Variants in LAPTM4A observed in about 807,000 individuals in gnomAD.
LAPTM4A encodes lysosomal protein transmembrane 4 alpha.
Under a neutral mutation model 29.9 loss-of-function variants are expected in LAPTM4A, and 19 were observed. That is an observed-to-expected ratio of 0.64 (90% CI 0.44 to 0.93). LAPTM4A has a LOEUF of 0.93. LAPTM4A is among the 40% of genes least tolerant of loss of function. LAPTM4A has a pLI of 0.00. For missense variants in LAPTM4A, 293 were observed against 288.5 expected (o/e 1.02, Z -0.11); for synonymous variants, 105 against 102.1 (o/e 1.03, Z -0.17).
At chr2:20,047,963 T>C (rs970361369) in intron 1 of LAPTM4A, among the ~76,000 whole-genome samples, 7 of 152,122 alleles carry the variant, frequency 4.6e-5, no homozygotes, top group Non-Finnish European at 1.0e-4. Context: ...GGAAGGAAAC[T>C]AACAAATATA....
chr2:20,049,853 G>T (rs747798966), intron 1 of LAPTM4A, among the ~76,000 whole-genome samples: 2 of 152,136 alleles, frequency 1.3e-5, no homozygotes, highest in Non-Finnish European at 2.9e-5. Context: ...TAGCCTTGAG[G>T]ATCCTCAAGG....
chr2:20,046,350 T>TA (rs950410205), intron 1 of LAPTM4A, among the ~76,000 whole-genome samples: 37 of 147,572 alleles, frequency 2.5e-4, no homozygotes, highest in Admixed American at 3.4e-4. Flanking sequence ...CAGTATAATT[T>TA]AAAAAAAAAA....
intron 1 of LAPTM4A, among the ~76,000 whole-genome samples, chr2:20,047,310 C>T (rs190942209): frequency 0.014 from 2,178 of 150,584 alleles, 54 homozygotes; most frequent in African/African-American, 0.051. Context: ...ATCGCTTGAA[C>T]CTGGGAGGCG....
chr2:20,038,097 C>T (rs1230135688), intron 2 of LAPTM4A, among the ~76,000 whole-genome samples: 2 of 152,160 alleles, frequency 1.3e-5, no homozygotes, highest in Non-Finnish European at 2.9e-5. Context: ...GCTTAAAAGA[C>T]AAGTGTATTA....
chr2:20,048,955 T>TA (rs1320563500), intron 1 of LAPTM4A, among the ~76,000 whole-genome samples: 1 of 152,220 alleles, frequency 6.6e-6, no homozygotes, highest in Admixed American at 6.5e-5. Flanking sequence ...ACTGCTATGG[T>TA]ATTCAAGCTA....
chr2:20,037,290 TAA>T, intron 4 of LAPTM4A, 24 bp downstream of exon 4: 1 of 1,523,904 alleles, frequency 6.6e-7, no homozygotes, highest in Non-Finnish European at 8.8e-7. Context: ...GAAAAAAAAA[TAA>T]GTTTAATGAG....
intron 1 of LAPTM4A, among the ~76,000 whole-genome samples, chr2:20,045,213 C>T (rs1481307835): frequency 6.6e-6 from 1 of 152,168 alleles, no homozygotes; most frequent in Non-Finnish European, 1.5e-5. Context: ...CTGAAAATAT[C>T]CAACTATGTA....
chr2:20,035,051 G>C lies in LAPTM4A; in HGVS notation c.444C>G (p.Pro148=), dbSNP rs1382013636. 1.9e-6 allele frequency: 3 copies of C among 1,609,992 alleles called. No homozygotes were observed. The highest frequency in any genetic ancestry group is 1.1e-5 in the South Asian group (1 of 90,746). ...CCAAGGCCAGGAGGTCATCTTTGTAGGGAAAATCAGGCTATTAAAGAAACA... is the reference window on the plus strand; with the variant it reads ...CCAAGGCCAGGAGGTCATCTTTGTACGGAAAATCAGGCTATTAAAGAAACA... ...KEYLDQLPDF[P]YKDDLLALDS... is the part of the protein sequence containing the mutation. Residue 148 remains proline (P), a synonymous_variant, in exon 5 of 7, where the codon CCC becomes CCG. Transcript: ENST00000175091.
intron 2 of LAPTM4A, among the ~76,000 whole-genome samples, chr2:20,039,581 CG>C (rs1289180120): frequency 6.6e-6 from 1 of 151,872 alleles, no homozygotes; most frequent in African/African-American, 2.4e-5. Context: ...CAGGGAGACC[CG>C]ATCTCCACAA....
chr2:20,034,211 C>G, intron 6 of LAPTM4A, 106 bp downstream of exon 6: 1 of 820,540 alleles, frequency 1.2e-6, no homozygotes, highest in South Asian at 1.4e-5. Context: ...GGGTTCATGC[C>G]CAAACCATAG....
chr2:20,041,441 T>C (rs1177194472), intron 1 of LAPTM4A, among the ~76,000 whole-genome samples: 1 of 152,188 alleles, frequency 6.6e-6, no homozygotes, highest in East Asian at 1.9e-4. Context: ...AACTCACTAT[T>C]TCCTCTAGAG....
chr2:20,042,097 G>A (rs999523681), intron 1 of LAPTM4A, among the ~76,000 whole-genome samples: 5 of 152,146 alleles, frequency 3.3e-5, no homozygotes, highest in African/African-American at 1.2e-4. Flanking sequence ...TCTGGCTAAC[G>A]AATTTCAATT....
At chr2:20,049,560 T>C (rs1674007765) in intron 1 of LAPTM4A, among the ~76,000 whole-genome samples, 1 of 152,236 alleles carries the variant, frequency 6.6e-6, no homozygotes, top group Non-Finnish European at 1.5e-5. Context: ...GTTCCCACTT[T>C]ATCCTGCTAT....
At chr2:20,037,810 C>T (rs1174256807) in intron 2 of LAPTM4A, among the ~76,000 whole-genome samples, 196 bp from the exon 3 acceptor site, 1 of 150,512 alleles carries the variant, frequency 6.6e-6, no homozygotes, top group Non-Finnish European at 1.5e-5. Flanking sequence ...GAGACATTCA[C>T]ACAAAGCACT....
At chr2:20,045,673 T>A (rs1168335269) in intron 1 of LAPTM4A, among the ~76,000 whole-genome samples, 1 of 152,216 alleles carries the variant, frequency 6.6e-6, no homozygotes, top group Non-Finnish European at 1.5e-5. Context: ...AAGAAATCTG[T>A]TAGATTTGAC....
Position 20,051,439 on chromosome 2 carries a change from C to A in LAPTM4A, c.82G>T (p.Gly28Trp), listed in dbSNP as rs1399982857. Residue 28 changes from glycine to tryptophan, a missense_variant, in exon 1 of 7, where the codon GGG becomes TGG. By Grantham distance (184) the Gly-to-Trp change is radical (BLOSUM62 -2). Coordinates refer to ENST00000175091, the MANE Select transcript of LAPTM4A (RefSeq NM_014713.5). ...RCCGCCHVRTGTIILGTWYMV... is the reference protein window; with the variant it reads ...RCCGCCHVRTWTIILGTWYMV... Reference sequence around the variant, plus strand: ...TACCAGGTCCCCAGGATGATCGTCCCGGTGCGGACATGGCAACAGCCGCAG... The same window carrying A: ...TACCAGGTCCCCAGGATGATCGTCCAGGTGCGGACATGGCAACAGCCGCAG... The A allele has an allele frequency of 6.2e-7, 1 of 1,613,182 alleles. No homozygotes were observed. The highest frequency in any genetic ancestry group is 8.5e-7 in the Non-Finnish European group (1 of 1,179,490).
At chr2:20,047,214 C>G (rs2148215058) in intron 1 of LAPTM4A, among the ~76,000 whole-genome samples, 1 of 150,340 alleles carries the variant, frequency 6.7e-6, no homozygotes, top group African/African-American at 2.4e-5. Context: ...ACGGTGAAAC[C>G]CCGTCTCTAC....
chr2:20,050,148 G>A (rs553058194), intron 1 of LAPTM4A, among the ~76,000 whole-genome samples: 57 of 152,266 alleles, frequency 3.7e-4, no homozygotes, highest in Middle Eastern at 3.4e-3. Flanking sequence ...ACACATTCGT[G>A]TTGTTTTTTA....
At chr2:20,037,646 C>A (rs1422599196) in intron 2 of LAPTM4A, 32 bp from the exon 3 acceptor site, 6 of 1,399,780 alleles carry the variant, frequency 4.3e-6, no homozygotes, top group African/African-American at 2.9e-5. Context: ...TCTAATTAAG[C>A]TACTTACACA....
Sources: allele counts gnomAD v4.1 joint callset (sites outside exome capture counted in the v4.1 genomes callset), GRCh38; gene constraint gnomAD v4.1.1; transcripts MANE v1.5; gene names NCBI Gene and HGNC (gene_info 2026-07-23, HGNC 2026-07-21).